Variants in SEMA3D observed in about 807,000 individuals in gnomAD.
SEMA3D encodes semaphorin-3D.
In SEMA3D, 84 loss-of-function variants were observed where a neutral mutation model predicts 100.1. That is an observed-to-expected ratio of 0.84 (90% CI 0.70 to 1.01). The LOEUF is 1.01. SEMA3D is among the 50% of genes least tolerant of loss of function. SEMA3D has a pLI of 0.00. For synonymous variants in SEMA3D, 312 were observed against 320.7 expected (o/e 0.97, Z 0.29); for missense variants, 875 against 934.1 (o/e 0.94, Z 0.82).
At chr7:85,167,246 C>T (rs1237250198) in intron 1 of SEMA3D, 2 of 983,152 alleles carry the variant, frequency 2.0e-6, no homozygotes, top group Admixed American at 6.2e-5. Flanking sequence ...GCTTGCAATG[C>T]CTCATCTGGA....
upstream of SEMA3D, among the ~76,000 whole-genome samples, chr7:85,187,899 T>C (rs1485512969): frequency 6.6e-6 from 1 of 152,220 alleles, no homozygotes; most frequent in South Asian, 2.1e-4. Flanking sequence ...TTTAGCTGCA[T>C]GGTAAATCCT....
chr7:85,025,572 G>GT lies in SEMA3D; in HGVS notation c.1192-2960dup, dbSNP rs992123464. 7.2e-5 allele frequency among the ~76,000 whole-genome samples: 11 copies of GT among 151,956 alleles called. 2 individuals are homozygous for GT. Among genetic ancestry groups the GT allele is most frequent in the East Asian group, 5.8e-4 (3 of 5,132 alleles). The stretch of plus-strand genomic sequence containing the variant: ...GCAAAGCCCCAGACAGCTGTCAAAG[G>GT]TTTTTTCTCCCCGCAGCTTCAGGCT... On this transcript the variant is annotated intron_variant, in intron 12 of 18. Coordinates refer to ENST00000284136, the MANE Select transcript of SEMA3D (RefSeq NM_001384900.1).
the SEMA3D span, among the ~76,000 whole-genome samples, chr7:85,196,241 A>C: frequency 6.6e-6 from 1 of 152,168 alleles, no homozygotes; most frequent in African/African-American, 2.4e-5. Flanking sequence ...CCCGTAATAC[A>C]AATATAATAA....
intron 2 of SEMA3D, among the ~76,000 whole-genome samples, chr7:85,148,055 T>A (rs1044932795): frequency 6.6e-6 from 1 of 152,094 alleles, no homozygotes; most frequent in Non-Finnish European, 1.5e-5. Flanking sequence ...TGGTCAGAGA[T>A]CACAATGACA....
chr7:85,228,413 T>C, the SEMA3D span, among the ~76,000 whole-genome samples: 1 of 152,276 alleles, frequency 6.6e-6, no homozygotes, highest in Admixed American at 6.5e-5. Flanking sequence ...GTATGGTATG[T>C]TTATTAAAAA....
chr7:85,219,997 C>T, the SEMA3D span, among the ~76,000 whole-genome samples: 2 of 152,090 alleles, frequency 1.3e-5, no homozygotes, highest in East Asian at 1.9e-4. Flanking sequence ...CTTAAATATG[C>T]TATCTGATAT....
chr7:85,131,507 A>G (rs906123047), intron 2 of SEMA3D, among the ~76,000 whole-genome samples: 6 of 152,072 alleles, frequency 3.9e-5, no homozygotes, highest in African/African-American at 1.4e-4. Flanking sequence ...AAATCAAAGT[A>G]GAATAAACAT....
At chr7:85,090,467 A>G (rs957423957) in intron 4 of SEMA3D, among the ~76,000 whole-genome samples, 2 of 152,202 alleles carry the variant, frequency 1.3e-5, no homozygotes, top group African/African-American at 4.8e-5. Flanking sequence ...GGTGTCTTAT[A>G]GCAAAAGTTA....
At chr7:85,098,069 G>C in intron 3 of SEMA3D, 104 bp from the exon 4 acceptor site, 1 of 600,398 alleles carries the variant, frequency 1.7e-6, no homozygotes, top group Non-Finnish European at 2.6e-6. Flanking sequence ...AGAGAGAAAA[G>C]GAAAGAAAAA....
intron 1 of SEMA3D, among the ~76,000 whole-genome samples, chr7:85,168,877 G>A (rs866777806): frequency 7.3e-4 from 94 of 129,336 alleles, no homozygotes; most frequent in African/African-American, 2.6e-3. Context: ...AAGAAAGAAA[G>A]AAAAGAAAGA....
intron 4 of SEMA3D, among the ~76,000 whole-genome samples, chr7:85,097,041 C>T (rs879754054): frequency 6.6e-6 from 1 of 151,680 alleles, no homozygotes; most frequent in Non-Finnish European, 1.5e-5. Flanking sequence ...ATTATGTAAT[C>T]TTATCAGCCA....
chr7:85,068,722 T>G (rs1426890310), intron 6 of SEMA3D, among the ~76,000 whole-genome samples: 1 of 152,150 alleles, frequency 6.6e-6, no homozygotes, highest in Non-Finnish European at 1.5e-5. Flanking sequence ...CTAAGCATCT[T>G]CAACTATGTC....
At chr7:85,060,447 G>A (rs935197149) in intron 8 of SEMA3D, among the ~76,000 whole-genome samples, 12 of 152,010 alleles carry the variant, frequency 7.9e-5, no homozygotes, top group Non-Finnish European at 1.3e-4. Context: ...CATTTAATCA[G>A]TGCATACTTG....
At chr7:85,111,155 T>C (rs1309900828) in intron 3 of SEMA3D, among the ~76,000 whole-genome samples, 1 of 152,104 alleles carries the variant, frequency 6.6e-6, no homozygotes, top group Non-Finnish European at 1.5e-5. Flanking sequence ...GACTTGATAG[T>C]ATACCAGAAG....
At chr7:85,053,410 G>A (rs562546932) in intron 9 of SEMA3D, among the ~76,000 whole-genome samples, 1 of 151,874 alleles carries the variant, frequency 6.6e-6, no homozygotes, top group Non-Finnish European at 1.5e-5. Flanking sequence ...ACAACAGAAA[G>A]GAATAATAAG....
At chr7:85,012,284 C>A (rs1477348621) in intron 17 of SEMA3D, among the ~76,000 whole-genome samples, 1 of 151,728 alleles carries the variant, frequency 6.6e-6, no homozygotes, top group Non-Finnish European at 1.5e-5. Flanking sequence ...ATACCCAGGA[C>A]AATTACATGC....
In SEMA3D at chr7:85,116,181, T is replaced by C. The variant is rs1789236208; in HGVS notation, c.151+5560A>G. Among the ~76,000 whole-genome samples the C allele has an allele frequency of 1.3e-5, 2 of 150,048 alleles. 1 individual carries two copies. The highest frequency in any genetic ancestry group is 4.2e-4 in the South Asian group (2 of 4,798). On this transcript the variant is annotated intron_variant, in intron 3 of 18. Coordinates refer to ENST00000284136, the MANE Select transcript of SEMA3D (RefSeq NM_001384900.1). ...TCAATTTGTTTCAGAGAGAGAGATA[T>C]ATAAAACTATATATGTATATATGCA...
chr7:85,068,215 G>A lies in SEMA3D; in HGVS notation c.565C>T (p.Gln189Ter). The stretch of plus-strand genomic sequence containing the variant: ...CCTGTCATTACTGAAGCAAAAGGCT[G>A]CTGAGGATCGAAAGGACATTTCAGT... ...GRLKCPFDPQQPFASVMTDEY... is the reference protein window; with the variant it reads ...GRLKCPFDPQ Residue 189 changes from glutamine (Q) to a stop codon, truncating the protein, a stop_gained, in exon 7 of 19, where the codon CAG (glutamine) becomes TAG (stop). Transcript: ENST00000284136. LOFTEE classifies it high-confidence loss of function. 6.2e-7 allele frequency: 1 copy of A among 1,604,402 alleles called. No homozygotes were observed. The highest frequency in any genetic ancestry group is 8.5e-7 in the Non-Finnish European group (1 of 1,171,270).
chr7:85,079,593 T>G (rs1384908685), intron 5 of SEMA3D, among the ~76,000 whole-genome samples: 1 of 152,166 alleles, frequency 6.6e-6, no homozygotes, highest in Non-Finnish European at 1.5e-5. Flanking sequence ...ATTAAGTTAC[T>G]ATGTAACTGG....
Sources: gnomAD v4.1 joint callset for allele counts (sites outside exome capture counted in the v4.1 genomes callset) on GRCh38, gnomAD v4.1.1 for gene constraint, MANE v1.5 for transcripts, NCBI Gene and HGNC (gene_info 2026-07-23, HGNC 2026-07-21) for gene names.